Variants in ZNF655 observed in about 807,000 individuals in gnomAD.
ZNF655 encodes the protein Vav-interacting Kruppel-like protein 1.
A neutral mutation model predicts 6.6 loss-of-function variants in ZNF655; 3 were observed. The observed-to-expected ratio is 0.46, with a 90% CI of 0.21 to 1.18. ZNF655 has a LOEUF of 1.18. Among genes scored for constraint, ZNF655 ranks in the 50% most tolerant of loss-of-function variants. ZNF655 has a pLI of 0.24. For missense variants in ZNF655, 526 were observed against 572.3 expected (o/e 0.92, Z 0.83); for synonymous variants, 178 against 195.0 (o/e 0.91, Z 0.73).
In ZNF655 at chr7:99,574,875, C is replaced by T. The variant is rs1025252897; in HGVS notation, c.*1291C>T. ...AGAAGTTTCCTAGTTTTAAGTGTTT[C>T]ACCAGCAAGTATTCCATACCTACTT... On this transcript the variant is annotated 3_prime_UTR_variant, in exon 3 of 3. Transcript: ENST00000252713. The T allele has an allele frequency of 6.6e-6, 1 of 152,190 alleles. No homozygotes were observed. Among genetic ancestry groups the T allele is most frequent in the East Asian group, 1.9e-4 (1 of 5,200 alleles). 9.4% of individuals were successfully genotyped at this position (152,190 alleles called of 1,614,324 possible).
chr7:99,564,850 T>C (rs1022663206), intron 2 of ZNF655: 1 of 329,642 alleles, frequency 3.0e-6, no homozygotes, highest in Non-Finnish European at 4.3e-6. Context: ...ATACACACTT[T>C]TACACATACA....
Position 99,572,587 on chromosome 7 carries a change from A to G in ZNF655, c.479A>G (p.Asp160Gly). 1.2e-6 allele frequency: 2 copies of G among 1,613,880 alleles called. No individual in the cohort carries two copies. The highest frequency in any genetic ancestry group is 1.7e-4 in the Middle Eastern group (1 of 6,060). ...VLRIQNTDDN[D>G]KYDMSFNQNS... Reference sequence around the variant, plus strand: ...AGAATACAGAATACCGATGACAATGATAAGTATGACATGAGCTTCAACCAG... The same window carrying G: ...AGAATACAGAATACCGATGACAATGGTAAGTATGACATGAGCTTCAACCAG... The change falls in exon 3 of 3, where the codon GAT becomes GGT. Residue 160 changes from aspartate (D) to glycine (G), a missense_variant. Asp to Gly is a moderately conservative substitution (Grantham distance 94). Coordinates refer to ENST00000252713, the MANE Select transcript of ZNF655 (RefSeq NM_138494.3).
chr7:99,571,586 G>C (rs1584264457), intron 2 of ZNF655: 1 of 1,051,180 alleles, frequency 9.5e-7, no homozygotes, highest in East Asian at 2.8e-5. Flanking sequence ...TGTCTTCTCA[G>C]AATCGACCTT....
chr7:99,564,006 C>T, intron 2 of ZNF655: 1 of 1,613,610 alleles, frequency 6.2e-7, no homozygotes, highest in East Asian at 2.2e-5. Flanking sequence ...CAAGTATCGG[C>T]TTCCCATCGA....
chr7:99,567,246 A>G (rs1242625002), intron 2 of ZNF655, among the ~76,000 whole-genome samples: 2 of 152,246 alleles, frequency 1.3e-5, no homozygotes, highest in Non-Finnish European at 2.9e-5. Flanking sequence ...TTGAAAGCAT[A>G]GAGTCGGCCA....
intron 2 of ZNF655, chr7:99,564,735 T>C: frequency 1.0e-6 from 1 of 984,686 alleles, no homozygotes; most frequent in Non-Finnish European, 1.2e-6. Flanking sequence ...AAAGAAACTT[T>C]GTAGCAGTTT....
At chr7:99,562,316 A>G (rs1331537478) in intron 2 of ZNF655, 6 of 1,603,094 alleles carry the variant, frequency 3.7e-6, no homozygotes, top group South Asian at 1.1e-5. Flanking sequence ...TTCTCTGGCC[A>G]TGGTGCTACA....
chr7:99,561,245 G>A (rs1803127449), intron 2 of ZNF655, among the ~76,000 whole-genome samples: 3 of 152,324 alleles, frequency 2.0e-5, no homozygotes, highest in Admixed American at 6.5e-5. Flanking sequence ...ACACTTTGCT[G>A]TATCGTATAG....
chr7:99,569,627 C>T (rs1422908564), intron 2 of ZNF655, among the ~76,000 whole-genome samples: 2 of 152,148 alleles, frequency 1.3e-5, no homozygotes, highest in Admixed American at 6.6e-5. Flanking sequence ...ATAGTTTCTA[C>T]GTTTTAAATT....
At chr7:99,559,032 A>G (rs1802844478) in intron 1 of ZNF655, 1 of 152,312 alleles carries the variant, frequency 6.6e-6, no homozygotes, top group South Asian at 2.1e-4. Context: ...GTATGTCCTC[A>G]CTGGTCCTTT....
Position 99,568,531 on chromosome 7 carries a change from C to T in ZNF655, c.137-3714C>T, listed in dbSNP as rs142003310. Among the ~76,000 whole-genome samples the T allele has an allele frequency of 1.5e-3, 222 of 151,846 alleles. 5 individuals carry two copies. The East Asian group carries it at 0.033, about 23-fold the overall frequency. Reference sequence around the variant, plus strand: ...TCCCAAAGTGCTAGGATTACAGGCGCGAGCCACCGTGCCTGGCTGGGGTTT... The same window carrying T: ...TCCCAAAGTGCTAGGATTACAGGCGTGAGCCACCGTGCCTGGCTGGGGTTT... On this transcript the variant is annotated intron_variant, in intron 2 of 2. Coordinates refer to ENST00000252713, the MANE Select transcript of ZNF655 (RefSeq NM_138494.3).
At chr7:99,564,743 T>A (rs900578820) in intron 2 of ZNF655, 1 of 983,054 alleles carries the variant, frequency 1.0e-6, no homozygotes, top group Admixed American at 6.2e-5. Context: ...TTTGTAGCAG[T>A]TTAATGCAGT....
At chr7:99,570,356 A>G (rs1168479579) in intron 2 of ZNF655, 3 of 152,136 alleles carry the variant, frequency 2.0e-5, no homozygotes, top group Non-Finnish European at 4.4e-5. Context: ...AGGAGAGTTG[A>G]CTCTAAATGT....
rs979768659 is a variant in ZNF655, at chr7:99,572,510, C to G, written c.402C>G (p.Pro134=). 1 of 1,613,838 alleles carries G rather than the reference C, an allele frequency of 6.2e-7. No individual in the cohort carries two copies. The highest frequency in any genetic ancestry group is 8.5e-7 in the Non-Finnish European group (1 of 1,179,922). ...TSEKNNECHE[P]EKSFSLDSTI... ...AGAAGAACAATGAATGTCATGAACC[C>G]GAAAAAAGCTTCAGTCTGGACTCTA... The change falls in exon 3 of 3, where the codon CCC becomes CCG. Residue 134 remains proline (P), a synonymous_variant. Coordinates refer to ENST00000252713, the MANE Select transcript of ZNF655 (RefSeq NM_138494.3).
At chr7:99,565,828 G>A (rs922550613) in intron 2 of ZNF655, among the ~76,000 whole-genome samples, 18 of 152,294 alleles carry the variant, frequency 1.2e-4, no homozygotes, top group Admixed American at 5.9e-4. Flanking sequence ...GATTGGGAAT[G>A]TTTGGCACAT....
Position 99,566,877 on chromosome 7 carries a change from A to G in ZNF655, c.137-5368A>G, listed in dbSNP as rs543589238. ...TCAGCTTTAACTGTTATTTTTGAAGACCAGATTAAAATAAATTTTATTAGA... is the reference window on the plus strand; with the variant it reads ...TCAGCTTTAACTGTTATTTTTGAAGGCCAGATTAAAATAAATTTTATTAGA... On this transcript the variant is annotated intron_variant, in intron 2 of 2. Coordinates refer to ENST00000252713, the MANE Select transcript of ZNF655 (RefSeq NM_138494.3). Among the ~76,000 whole-genome samples, 52 of 152,306 alleles carry G rather than the reference A, an allele frequency of 3.4e-4. 1 individual carries two copies. The highest frequency in any genetic ancestry group is 2.5e-3 in the South Asian group (12 of 4,830).
At chr7:99,564,548 C>A in intron 2 of ZNF655, 5 of 985,530 alleles carry the variant, frequency 5.1e-6, no homozygotes, top group Non-Finnish European at 6.0e-6. Context: ...TTACTCTGTC[C>A]TTGATGGAGG....
At position 99,572,800 on chromosome 7, in the gene ZNF655, A is replaced by G. The variant is rs140597113; in HGVS notation, c.692A>G (p.Gln231Arg). The change falls in exon 3 of 3, where the codon CAG (glutamine) becomes CGG (arginine). Residue 231 changes from glutamine (Q) to arginine (R), a missense_variant. Gln to Arg is a conservative substitution (Grantham distance 43). Coordinates refer to ENST00000252713, the MANE Select transcript of ZNF655 (RefSeq NM_138494.3). ...CAGAGCTCAGCCCTTACTAGACATC[A>G]GAGAATCCATACTAGAGAGAAGCCC... is the stretch of plus-strand genomic sequence containing the variant. ...FHQSSALTRH[Q>R]RIHTREKPYK... is the part of the protein sequence containing the mutation. 2.1e-5 allele frequency: 34 copies of G among 1,613,496 alleles called. No individual in the cohort carries two copies. The African/African-American group carries it at 2.9e-4, about 14-fold the overall frequency.
intron 2 of ZNF655, chr7:99,563,932 A>ATTT: frequency 1.2e-6 from 2 of 1,613,712 alleles, no homozygotes; most frequent in Middle Eastern, 3.3e-4. Context: ...AGTCATACCC[A>ATTT]GGCAAGTGCT....
Sources: gnomAD v4.1 joint callset for allele counts (sites outside exome capture counted in the v4.1 genomes callset) on GRCh38, gnomAD v4.1.1 for gene constraint, MANE v1.5 for transcripts, NCBI Gene and HGNC (gene_info 2026-07-23, HGNC 2026-07-21) for gene names.